SAMD12: variants seen among roughly 807,000 people sequenced by gnomAD.
SAMD12 encodes the protein sterile alpha motif domain containing 12.
Under a neutral mutation model 15.0 loss-of-function variants are expected in SAMD12, and 9 were observed. The ratio of observed to expected loss-of-function variants is 0.60; its 90% CI spans 0.36 to 1.05. SAMD12 has a LOEUF of 1.05. SAMD12 is among the 50% of genes least tolerant of loss of function. The pLI, the probability that SAMD12 is intolerant of heterozygous loss-of-function variation, is 0.01. For missense variants in SAMD12, 230 were observed against 234.2 expected (o/e 0.98, Z 0.12); for synonymous variants, 86 against 90.1 (o/e 0.96, Z 0.25).
At chr8:118,545,970 T>C (rs994640786) in intron 2 of SAMD12, among the ~76,000 whole-genome samples, 6 of 152,200 alleles carry the variant, frequency 3.9e-5, no homozygotes, top group Non-Finnish European at 7.3e-5. Flanking sequence ...ACAGAGCTTA[T>C]GTGAGTGGTC....
chr8:118,177,322 C>G, the SAMD12 span, among the ~76,000 whole-genome samples: 3 of 151,838 alleles, frequency 2.0e-5, no homozygotes, highest in Admixed American at 6.6e-5. Context: ...CTCACTGCAG[C>G]CTCTACCTCC....
chr8:118,210,546 T>A (rs2129814994), intron 4 of SAMD12, among the ~76,000 whole-genome samples: 1 of 152,302 alleles, frequency 6.6e-6, no homozygotes, highest in African/African-American at 2.4e-5. Flanking sequence ...TCCAGAGCAG[T>A]GCAGCTTGGA....
At chr8:118,527,628 C>T (rs1586788794) in intron 2 of SAMD12, among the ~76,000 whole-genome samples, 2 of 152,194 alleles carry the variant, frequency 1.3e-5, no homozygotes, top group South Asian at 2.1e-4. Context: ...TTGCCTATTT[C>T]TTGATTTTAG....
chr8:118,443,609 A>G (rs1822820443), intron 2 of SAMD12, among the ~76,000 whole-genome samples: 1 of 152,190 alleles, frequency 6.6e-6, no homozygotes, highest in Non-Finnish European at 1.5e-5. Flanking sequence ...AAGTATTGAT[A>G]CCATTTATCA....
At chr8:118,142,699 G>T in the SAMD12 span, among the ~76,000 whole-genome samples, 1 of 152,136 alleles carries the variant, frequency 6.6e-6, no homozygotes, top group Non-Finnish European at 1.5e-5. Context: ...GGCTATCTTT[G>T]CTCAGATAAG....
the SAMD12 span, among the ~76,000 whole-genome samples, chr8:118,173,600 A>G: frequency 6.8e-6 from 1 of 146,836 alleles, no homozygotes; most frequent in African/African-American, 2.5e-5. Flanking sequence ...ATATATTTAT[A>G]TTTATTATAT....
chr8:118,211,204 T>C (rs1460386262), intron 4 of SAMD12, among the ~76,000 whole-genome samples: 1 of 152,220 alleles, frequency 6.6e-6, no homozygotes, highest in Non-Finnish European at 1.5e-5. Flanking sequence ...GAAGGGATTG[T>C]GTTTAAGCAT....
intron 2 of SAMD12, among the ~76,000 whole-genome samples, chr8:118,479,941 G>A (rs759280481): frequency 2.6e-5 from 4 of 152,056 alleles, no homozygotes; most frequent in Non-Finnish European, 5.9e-5. Context: ...GGAGGGCAAA[G>A]GAGAAAACTA....
intron 4 of SAMD12, among the ~76,000 whole-genome samples, chr8:118,203,402 G>GTA (rs1819768248): frequency 6.6e-6 from 1 of 151,892 alleles, no homozygotes; most frequent in Non-Finnish European, 1.5e-5. Context: ...GTGTGTGTGT[G>GTA]TGTGTCGAGG....
the SAMD12 span, among the ~76,000 whole-genome samples, chr8:118,150,774 A>T: frequency 9.2e-5 from 14 of 152,294 alleles, no homozygotes; most frequent in African/African-American, 1.4e-4. Flanking sequence ...CTTTGTGTAG[A>T]TCCAAATTTC....
intron 2 of SAMD12, among the ~76,000 whole-genome samples, chr8:118,554,031 C>T (rs1417726491): frequency 3.3e-5 from 5 of 152,068 alleles, no homozygotes; most frequent in Non-Finnish European, 5.9e-5. Flanking sequence ...AGTCAGGAAA[C>T]AACAGGTGCT....
intron 2 of SAMD12, among the ~76,000 whole-genome samples, chr8:118,543,631 CTTTT>C (rs397978436): frequency 9.4e-5 from 11 of 116,618 alleles, no homozygotes; most frequent in African/African-American, 2.2e-4. Context: ...TTCTTTCTTT[CTTTT>C]TTTTTTTTTT....
chr8:118,491,337 T>C (rs1824435695), intron 2 of SAMD12, among the ~76,000 whole-genome samples: 1 of 152,222 alleles, frequency 6.6e-6, no homozygotes, highest in Admixed American at 6.5e-5. Flanking sequence ...GCTTTATGCA[T>C]CTGTGGCTTC....
rs568385839 is a variant in SAMD12, at chr8:118,296,402, C to T, written c.433+83158G>A. Among the ~76,000 whole-genome samples the T allele has an allele frequency of 1.2e-3, 185 of 152,346 alleles. 1 individual carries two copies. The highest frequency in any genetic ancestry group is 4.2e-3 in the African/African-American group (176 of 41,578). On this transcript the variant is annotated intron_variant, in intron 4 of 4. Transcript: ENST00000409003. Reference sequence around the variant, plus strand: ...CCCCTCCTCAGAAAAGGAAGCCTTTCTTGATCATTCATGCCAGGTTGGCCT... The same window carrying T: ...CCCCTCCTCAGAAAAGGAAGCCTTTTTTGATCATTCATGCCAGGTTGGCCT...
chr8:118,538,768 T>C (rs1211448772), intron 2 of SAMD12, among the ~76,000 whole-genome samples: 1 of 152,200 alleles, frequency 6.6e-6, no homozygotes, highest in Non-Finnish European at 1.5e-5. Context: ...GCTCTTTGTG[T>C]GGACAGTTGT....
chr8:118,342,642 C>T (rs2130554343), intron 4 of SAMD12, among the ~76,000 whole-genome samples: 1 of 152,206 alleles, frequency 6.6e-6, no homozygotes, highest in Non-Finnish European at 1.5e-5. Context: ...AAAAAGAATC[C>T]CACAAATTGA....
intron 3 of SAMD12, among the ~76,000 whole-genome samples, chr8:118,393,983 A>G (rs953364549): frequency 1.3e-5 from 2 of 150,452 alleles, no homozygotes; most frequent in South Asian, 4.2e-4. Flanking sequence ...CTTCATCAAT[A>G]AAAGAGTAAT....
At chr8:118,293,873 G>A (rs11562781) in intron 4 of SAMD12, among the ~76,000 whole-genome samples, 2,490 of 152,228 alleles carry the variant, frequency 0.016, 79 homozygotes, top group African/African-American at 0.056. Flanking sequence ...GAATGCCAGT[G>A]GGAAAAATGT....
intron 4 of SAMD12, among the ~76,000 whole-genome samples, chr8:118,234,791 G>T (rs1199434820): frequency 6.7e-6 from 1 of 148,988 alleles, no homozygotes; most frequent in African/African-American, 2.5e-5. Flanking sequence ...ATTTTTTGTT[G>T]TTTTTTAGAG....
Sources: gnomAD v4.1 joint callset for allele counts (sites outside exome capture counted in the v4.1 genomes callset) on GRCh38, gnomAD v4.1.1 for gene constraint, MANE v1.5 for transcripts, NCBI Gene and HGNC (gene_info 2026-07-23, HGNC 2026-07-21) for gene names.